Variants in DNAH9 observed in about 807,000 individuals in gnomAD.
DNAH9 encodes the protein DNAH9 variant protein.
Under a neutral mutation model 471.6 loss-of-function variants are expected in DNAH9, and 345 were observed. The observed-to-expected ratio is 0.73, with a 90% CI of 0.67 to 0.80. The LOEUF (loss-of-function observed/expected upper bound fraction) is 0.80, where lower values mean the gene tolerates loss of function less well. Ranked by LOEUF, DNAH9 falls within the 30% of genes least tolerant of loss-of-function variation. The pLI is 0.00. For synonymous variants in DNAH9, 2,093 were observed against 2,123.6 expected (o/e 0.99, Z 0.40); for missense variants, 5,407 against 5,609.2 (o/e 0.96, Z 1.15).
chr17:11,642,065 C>T (rs1396876889), intron 10 of DNAH9, among the ~76,000 whole-genome samples: 3 of 152,054 alleles, frequency 2.0e-5, no homozygotes, highest in Non-Finnish European at 4.4e-5. Context: ...AAGAGGGAGG[C>T]AGCGGTACTT....
intron 29 of DNAH9, among the ~76,000 whole-genome samples, chr17:11,740,229 A>C (rs1294817940): frequency 6.6e-6 from 1 of 152,244 alleles, no homozygotes; most frequent in Non-Finnish European, 1.5e-5. Flanking sequence ...GATCACCCAG[A>C]TAAGAATTCT....
chr17:11,770,702 G>A (rs1349078600), intron 38 of DNAH9, among the ~76,000 whole-genome samples: 2 of 152,204 alleles, frequency 1.3e-5, no homozygotes, highest in Non-Finnish European at 2.9e-5. Flanking sequence ...GTTTGTCAAA[G>A]ATGTAAACAT....
intron 50 of DNAH9, among the ~76,000 whole-genome samples, chr17:11,859,224 C>A (rs1971740647): frequency 6.6e-6 from 1 of 151,906 alleles, no homozygotes; most frequent in Non-Finnish European, 1.5e-5. Flanking sequence ...ACCACCTCGG[C>A]CCACATGGTG....
intron 57 of DNAH9, among the ~76,000 whole-genome samples, chr17:11,890,695 G>A (rs960048961): frequency 4.6e-5 from 7 of 151,960 alleles, no homozygotes; most frequent in Non-Finnish European, 8.8e-5. Flanking sequence ...TTGTTGTTTT[G>A]TGTTGTTTTG....
At chr17:11,863,967 A>T (rs1971950325) in intron 50 of DNAH9, among the ~76,000 whole-genome samples, 1 of 151,952 alleles carries the variant, frequency 6.6e-6, no homozygotes, top group Non-Finnish European at 1.5e-5. Flanking sequence ...CCTTTCAAAA[A>T]ACCAGCTCCT....
intron 18 of DNAH9, among the ~76,000 whole-genome samples, chr17:11,680,250 A>T (rs2074111767): frequency 6.6e-6 from 1 of 152,150 alleles, no homozygotes; most frequent in Admixed American, 6.5e-5. Context: ...TGAGAAAAAA[A>T]AAAAGCAGAT....
intron 52 of DNAH9, among the ~76,000 whole-genome samples, chr17:11,872,300 C>T (rs1257250350): frequency 1.3e-5 from 2 of 152,036 alleles, no homozygotes; most frequent in African/African-American, 4.8e-5. Flanking sequence ...CTTATTTGGG[C>T]AGTTCAGCTT....
chr17:11,719,209 G>C lies in DNAH9; in HGVS notation c.5553-125G>C, dbSNP rs917013474. The C allele has an allele frequency of 3.2e-6, 3 of 943,392 alleles. No individual in the cohort carries two copies. The African/African-American group carries it at 5.0e-5, about 16-fold the overall frequency. 58.4% of individuals were successfully genotyped at this position (943,392 alleles called of 1,614,324 possible). A position where few individuals can be genotyped will look rare whatever the true frequency, so the allele number is the denominator to read the frequency against. On this transcript the variant is annotated intron_variant, in intron 26 of 68. Transcript: ENST00000262442. ...CTCCCCACAGTGCTGTGGGGAGCGGGAAAAAGGGGCAGGGCTCTTGGCTTT... is the reference window on the plus strand; with the variant it reads ...CTCCCCACAGTGCTGTGGGGAGCGGCAAAAAGGGGCAGGGCTCTTGGCTTT...
intron 56 of DNAH9, among the ~76,000 whole-genome samples, chr17:11,885,017 G>T (rs1444799306): frequency 1.3e-5 from 2 of 151,716 alleles, no homozygotes; most frequent in African/African-American, 4.8e-5. Flanking sequence ...TCCTTTTGTT[G>T]TTCAGTTTCT....
In DNAH9 at chr17:11,762,770, G is replaced by GTTTTTTTTTTTT. The variant is rs563544881; in HGVS notation, c.6996-654_6996-643dup. Among the ~76,000 whole-genome samples, 70 of 90,784 alleles carry GTTTTTTTTTTTT rather than the reference G, an allele frequency of 7.7e-4. 7 individuals carry two copies. Among genetic ancestry groups the GTTTTTTTTTTTT allele is most frequent in the East Asian group, 4.0e-3 (12 of 3,028 alleles). 59.6% of individuals were successfully genotyped at this position (90,784 alleles called of 152,430 possible). A position where few individuals can be genotyped will look rare whatever the true frequency, so the allele number is the denominator to read the frequency against. On this transcript the variant is annotated intron_variant, in intron 35 of 68. Coordinates refer to ENST00000262442, the MANE Select transcript of DNAH9 (RefSeq NM_001372.4). ...CCTCTTTAGGTGCGTTTTTTTTTTT[G>GTTTTTTTTTTTT]TTTTTTTTTTTTTTTTTTTTTTTTT... is the stretch of plus-strand genomic sequence containing the variant.
rs75529123 is a variant in DNAH9, at chr17:11,841,337, C to T, written c.9507+6439C>T. 8.9e-3 allele frequency among the ~76,000 whole-genome samples: 1,361 copies of T among 152,154 alleles called. 22 individuals are homozygous for T. The highest frequency in any genetic ancestry group is 0.031 in the African/African-American group (1,295 of 41,504). ...GCTTTTTCCAAAGAGGCTCTGGGAA[C>T]CTCAGTGTTTAAAAGGAAAGGAGCA... is the stretch of plus-strand genomic sequence containing the variant. On this transcript the variant is annotated intron_variant, in intron 49 of 68. Transcript: ENST00000262442.
intron 22 of DNAH9, among the ~76,000 whole-genome samples, chr17:11,695,902 T>C (rs1352133516): frequency 6.6e-6 from 1 of 152,224 alleles, no homozygotes; most frequent in Non-Finnish European, 1.5e-5. Flanking sequence ...ATTTAAAGAA[T>C]AGTTGGGCTC....
intron 15 of DNAH9, among the ~76,000 whole-genome samples, chr17:11,666,322 G>T (rs936947985): frequency 4.6e-5 from 7 of 152,152 alleles, no homozygotes; most frequent in African/African-American, 1.4e-4. Flanking sequence ...GTGCCTAAAT[G>T]ACTTCATCCT....
chr17:11,863,786 T>C (rs1326620377), intron 50 of DNAH9, among the ~76,000 whole-genome samples: 2 of 150,804 alleles, frequency 1.3e-5, no homozygotes, highest in Admixed American at 6.6e-5. Context: ...CCATTTCTTC[T>C]AGATTTTCTA....
At chr17:11,929,613 A>G (rs1327698678) in intron 62 of DNAH9, among the ~76,000 whole-genome samples, 1 of 152,246 alleles carries the variant, frequency 6.6e-6, no homozygotes, top group Non-Finnish European at 1.5e-5. Context: ...ACTCTTTTCT[A>G]TGATGTGATT....
rs145160548 is a variant in DNAH9, at chr17:11,669,642, G to A, written c.3201G>A (p.Thr1067=). Residue 1067 remains threonine (T), a synonymous_variant, in exon 17 of 69, where the codon ACG becomes ACA. Transcript: ENST00000262442. ...QFKVQIDSYE[T]LYEEVCRLEP... The stretch of plus-strand genomic sequence containing the variant: ...AAGTGCAAATCGACTCCTATGAAAC[G>A]CTCTATGAAGAGGTGTGCAGGCTGG... 1.9e-5 allele frequency: 31 copies of A among 1,613,984 alleles called. No homozygotes were observed. In the African/African-American group the frequency reaches 2.4e-4, roughly 13 times the overall value.
intron 59 of DNAH9, among the ~76,000 whole-genome samples, chr17:11,898,196 C>T (rs1392442596): frequency 1.3e-5 from 2 of 151,798 alleles, no homozygotes; most frequent in Admixed American, 6.6e-5. Flanking sequence ...GAAATCTCGG[C>T]TCACTGCAAC....
chr17:11,943,336 A>G (rs1410388829), intron 67 of DNAH9, among the ~76,000 whole-genome samples: 1 of 152,168 alleles, frequency 6.6e-6, no homozygotes, highest in African/African-American at 2.4e-5. Flanking sequence ...GGAAAAACAC[A>G]TATGAGTTTT....
intron 28 of DNAH9, among the ~76,000 whole-genome samples, chr17:11,737,184 T>C (rs1393482416): frequency 1.3e-5 from 2 of 152,224 alleles, no homozygotes; most frequent in African/African-American, 4.8e-5. Flanking sequence ...TCAAACTAAT[T>C]GCTGTGAGCT....
Sources: allele counts gnomAD v4.1 joint callset (sites outside exome capture counted in the v4.1 genomes callset), GRCh38; gene constraint gnomAD v4.1.1; transcripts MANE v1.5; gene names NCBI Gene and HGNC (gene_info 2026-07-23, HGNC 2026-07-21).